DENR: variants seen among roughly 807,000 people sequenced by gnomAD.
DENR encodes the protein density regulated re-initiation and release factor, also known as density-regulated protein.
A neutral mutation model predicts 30.6 loss-of-function variants in DENR; 6 were observed. That is an observed-to-expected ratio of 0.20 (90% CI 0.11 to 0.39). The LOEUF is 0.39. Ranked by LOEUF, DENR falls within the 10% of genes least tolerant of loss-of-function variation. The pLI, the probability that DENR is intolerant of heterozygous loss-of-function variation, is 1.00. For synonymous variants in DENR, 78 were observed against 72.1 expected, an observed-to-expected ratio of 1.08 and a Z score of -0.41; for missense variants, 141 against 230.9, an observed-to-expected ratio of 0.61 and a Z score of 2.52.
intron 2 of DENR, 76 bp from the exon 3 acceptor site, chr12:122,762,106 TATAAA>T: frequency 2.1e-6 from 2 of 931,434 alleles, no homozygotes; most frequent in East Asian, 5.8e-5. Flanking sequence ...TTTTCTCAAA[TATAAA>T]AGTAAGGATA....
chr12:122,760,974 A>C (rs1878684094), intron 2 of DENR, among the ~76,000 whole-genome samples: 1 of 152,126 alleles, frequency 6.6e-6, no homozygotes, highest in Non-Finnish European at 1.5e-5. Flanking sequence ...TTACCTGTAC[A>C]TAGTGGCTCA....
chr12:122,756,519 AT>A (rs1878554776), intron 2 of DENR, among the ~76,000 whole-genome samples: 3 of 152,146 alleles, frequency 2.0e-5, no homozygotes, highest in Admixed American at 2.0e-4. Flanking sequence ...GAGGGGAGAG[AT>A]TTGTAGGAAA....
At chr12:122,766,568 C>G (rs1878855764) in intron 5 of DENR, among the ~76,000 whole-genome samples, 1 of 152,186 alleles carries the variant, frequency 6.6e-6, no homozygotes, top group South Asian at 2.1e-4. Context: ...AGAAGCACCT[C>G]AAACACTGCA....
rs977093766 is a variant in DENR at position 122,767,676 on chromosome 12, C to T, written c.412+72C>T. 20 of 629,014 alleles carry T rather than the reference C, an allele frequency of 3.2e-5. No homozygotes were observed. The East Asian group carries it at 6.3e-4, about 20-fold the overall frequency. 39.0% of individuals were successfully genotyped at this position (629,014 alleles called of 1,614,324 possible). On this transcript the variant is annotated intron_variant, in intron 6 of 7. Coordinates refer to ENST00000280557, the MANE Select transcript of DENR (RefSeq NM_003677.5). ...TCTCTGTCTCCCTCTATCTCTCTGT[C>T]TCTCTCTCTCTCACATACCATGAAA...
At chr12:122,754,909 C>A (rs1878506116) in intron 2 of DENR, among the ~76,000 whole-genome samples, 1 of 152,006 alleles carries the variant, frequency 6.6e-6, no homozygotes, top group African/African-American at 2.4e-5. Context: ...AGAAAAGATA[C>A]AATGTTTAAT....
chr12:122,769,957 T>A lies in DENR; in HGVS notation c.*879T>A, dbSNP rs1878991619. 1 of 152,668 alleles carries A rather than the reference T, an allele frequency of 6.6e-6. No homozygotes were observed. The highest frequency in any genetic ancestry group is 1.5e-5 in the Non-Finnish European group (1 of 68,046). 9.5% of individuals were successfully genotyped at this position (152,668 alleles called of 1,614,324 possible). A position where few individuals can be genotyped will look rare whatever the true frequency, so the allele number is the denominator to read the frequency against. On this transcript the variant is annotated 3_prime_UTR_variant, in exon 8 of 8. Transcript: ENST00000280557. ...GCTTCCTCACCAGTAATATGTCTCCTTGCTTCTTTGATGTGATAGTTTTGA... is the reference window on the plus strand; with the variant it reads ...GCTTCCTCACCAGTAATATGTCTCCATGCTTCTTTGATGTGATAGTTTTGA...
At chr12:122,768,956 A>G (rs369866831) in intron 7 of DENR, 35 bp downstream of exon 7, 1 of 1,604,116 alleles carries the variant, frequency 6.2e-7, no homozygotes, top group Non-Finnish European at 8.5e-7. Context: ...GCTAGAGATA[A>G]GTTTTTAAAG....
chr12:122,767,966 G>A (rs1476171873), intron 6 of DENR: 2 of 156,880 alleles, frequency 1.3e-5, no homozygotes, highest in Non-Finnish European at 2.8e-5. Context: ...GACAGGAGAG[G>A]TTGAGGAAGG....
intron 2 of DENR, among the ~76,000 whole-genome samples, chr12:122,756,273 AC>A (rs11291750): frequency 0.063 from 9,617 of 152,152 alleles, 1,045 homozygotes; most frequent in African/African-American, 0.22. Flanking sequence ...ACATGGTGAA[AC>A]CCTGTCTCTA....
At chr12:122,768,492 C>T (rs982809740) in intron 6 of DENR, among the ~76,000 whole-genome samples, 3 of 147,244 alleles carry the variant, frequency 2.0e-5, no homozygotes, top group East Asian at 2.1e-4. Flanking sequence ...AGCAAGACTC[C>T]GTCTCAAAAA....
chr12:122,753,020 C>G (rs1220606017), intron 1 of DENR, 70 bp downstream of exon 1: 1 of 152,940 alleles, frequency 6.5e-6, no homozygotes, highest in Admixed American at 6.5e-5. Flanking sequence ...TGAGATGCTG[C>G]CTGGCGGAAG....
intron 2 of DENR, among the ~76,000 whole-genome samples, chr12:122,760,507 G>A (rs112212056): frequency 0.063 from 9,590 of 151,982 alleles, 1,034 homozygotes; most frequent in African/African-American, 0.22. Flanking sequence ...TGAGGCGGGC[G>A]GATCACAAGG....
chr12:122,757,261 C>T (rs1878574484), intron 2 of DENR, among the ~76,000 whole-genome samples: 1 of 152,136 alleles, frequency 6.6e-6, no homozygotes, highest in African/African-American at 2.4e-5. Context: ...AGCTCAAATT[C>T]ATTTAGGAAA....
chr12:122,755,799 C>G (rs1398920481), intron 2 of DENR, among the ~76,000 whole-genome samples: 1 of 152,196 alleles, frequency 6.6e-6, no homozygotes, highest in Non-Finnish European at 1.5e-5. Context: ...AGGTGCCTTT[C>G]TACCTTGTCA....
chr12:122,769,162 ATATACACATATATATG>A lies in DENR; in HGVS notation c.*89_*104del. ...GAGAGGCCTTTTAAAATATATATAT[ATATACACATATATATG>A]TATATATACACATATATGTATGTAT... On this transcript the variant is annotated 3_prime_UTR_variant, in exon 8 of 8. Coordinates refer to ENST00000280557, the MANE Select transcript of DENR (RefSeq NM_003677.5). 1.6e-6 allele frequency: 2 copies of A among 1,234,264 alleles called. No homozygotes were observed. Among genetic ancestry groups the A allele is most frequent in the South Asian group, 1.9e-5 (1 of 53,284 alleles). The allele number at this position is 1,234,264 out of a possible 1,614,324, so 76.5% of individuals were successfully genotyped here. A position where few individuals can be genotyped will look rare whatever the true frequency, so the allele number is the denominator to read the frequency against.
At chr12:122,754,409 A>G (rs1566058124) in intron 2 of DENR, 1 of 153,036 alleles carries the variant, frequency 6.5e-6, no homozygotes. Context: ...TTTTCAATAT[A>G]GAAATATTTG....
chr12:122,756,322 G>A (rs1282953025), intron 2 of DENR, among the ~76,000 whole-genome samples: 2 of 152,174 alleles, frequency 1.3e-5, no homozygotes, highest in African/African-American at 2.4e-5. Context: ...AGTGGCAGGC[G>A]CCTGTAATCC....
chr12:122,758,681 C>T (rs1420230885), intron 2 of DENR, among the ~76,000 whole-genome samples: 1 of 152,004 alleles, frequency 6.6e-6, no homozygotes, highest in African/African-American at 2.4e-5. Context: ...TGGCAAGTGC[C>T]TGTAGTTCCA....
chr12:122,768,667 A>G (rs1008762433), intron 6 of DENR, 115 bp from the exon 7 acceptor site: 2 of 932,590 alleles, frequency 2.1e-6, no homozygotes, highest in African/African-American at 3.3e-5. Flanking sequence ...AGGAATATAA[A>G]ACCCATTAAC....
Sources: allele counts gnomAD v4.1 joint callset (sites outside exome capture counted in the v4.1 genomes callset), GRCh38; gene constraint gnomAD v4.1.1; transcripts MANE v1.5; gene names NCBI Gene and HGNC (gene_info 2026-07-23, HGNC 2026-07-21).